CACNA1D: variants seen among roughly 807,000 people sequenced by gnomAD.
CACNA1D encodes voltage-dependent L-type calcium channel subunit alpha-1D.
A neutral mutation model predicts 257.1 loss-of-function variants in CACNA1D; 55 were observed. The observed-to-expected ratio is 0.21, with a 90% CI of 0.17 to 0.27. CACNA1D has a LOEUF of 0.27. CACNA1D is among the 10% of genes least tolerant of loss of function. CACNA1D has a pLI of 1.00. For synonymous variants in CACNA1D, 980 were observed against 1,014.9 expected (o/e 0.97, Z 0.65); for missense variants, 1,876 against 2,784.0 (o/e 0.67, Z 7.34).
At chr3:53,593,432 C>A (rs1352167912) in intron 3 of CACNA1D, among the ~76,000 whole-genome samples, 1 of 152,064 alleles carries the variant, frequency 6.6e-6, no homozygotes, top group Non-Finnish European at 1.5e-5. Context: ...TTAAATAACT[C>A]CCCCCAGCAC....
In CACNA1D at chr3:53,743,060, A is replaced by G; in HGVS notation, c.2861A>G (p.Tyr954Cys). 6.2e-7 allele frequency: 1 copy of G among 1,613,966 alleles called. No homozygotes were observed. Among genetic ancestry groups the G allele is most frequent in the East Asian group, 2.2e-5 (1 of 44,874 alleles). The stretch of plus-strand genomic sequence containing the variant: ...CACAAAGGGGCCTTCTGCAGGAACT[A>G]CTTCAATTTGCTGGATATGCTGGTG... ...FLHKGAFCRN[Y>C]FNLLDMLVVG... The change falls in exon 22 of 48, where the codon TAC becomes TGC. Residue 954 changes from tyrosine (Y) to cysteine (C), a missense_variant. Tyr to Cys is a radical substitution (Grantham distance 194). Coordinates refer to ENST00000350061, the MANE Select transcript of CACNA1D (RefSeq NM_001128840.3).
chr3:53,574,919 C>T (rs60793632), intron 3 of CACNA1D, among the ~76,000 whole-genome samples: 2,027 of 152,308 alleles, frequency 0.013, 44 homozygotes, highest in African/African-American at 0.046. Flanking sequence ...CTGCTCATCA[C>T]GTGAGTTGCC....
intron 39 of CACNA1D, among the ~76,000 whole-genome samples, chr3:53,784,026 G>A (rs1319785977): frequency 6.6e-6 from 1 of 152,208 alleles, no homozygotes; most frequent in Non-Finnish European, 1.5e-5. Context: ...GGGTGGCTTC[G>A]CTAGTGTGCT....
At chr3:53,754,723 C>G (rs967046095) in intron 29 of CACNA1D, among the ~76,000 whole-genome samples, 7 of 152,180 alleles carry the variant, frequency 4.6e-5, no homozygotes, top group African/African-American at 1.7e-4. Flanking sequence ...CAAAAACTCT[C>G]AGAGTTAGAG....
At chr3:53,752,258 C>T (rs1306921455) in intron 28 of CACNA1D, among the ~76,000 whole-genome samples, 1 of 152,112 alleles carries the variant, frequency 6.6e-6, no homozygotes, top group Non-Finnish European at 1.5e-5. Context: ...TGATTTTACT[C>T]TGAATTTTTT....
At chr3:53,757,388 C>A (rs185208814) in intron 29 of CACNA1D, among the ~76,000 whole-genome samples, 8 of 152,336 alleles carry the variant, frequency 5.3e-5, no homozygotes, top group Admixed American at 2.6e-4. Context: ...TGGTCCCCTT[C>A]TTGCCTGGTA....
At chr3:53,505,258 G>T (rs533039162) in intron 3 of CACNA1D, among the ~76,000 whole-genome samples, 3 of 151,616 alleles carry the variant, frequency 2.0e-5, no homozygotes, top group South Asian at 2.1e-4. Flanking sequence ...ACAGACGAGC[G>T]CCAACATGCC....
chr3:53,544,297 T>C (rs191073260), intron 3 of CACNA1D, among the ~76,000 whole-genome samples: 1 of 152,282 alleles, frequency 6.6e-6, no homozygotes, highest in Admixed American at 6.5e-5. Flanking sequence ...GCAGCACATA[T>C]AATTATAGAA....
intron 2 of CACNA1D, among the ~76,000 whole-genome samples, chr3:53,498,976 C>T (rs1575676063): frequency 6.6e-6 from 1 of 152,256 alleles, no homozygotes; most frequent in Non-Finnish European, 1.5e-5. Flanking sequence ...CAGCATGTGG[C>T]CCAGTGGCAT....
intron 3 of CACNA1D, among the ~76,000 whole-genome samples, chr3:53,511,254 C>A (rs892593057): frequency 3.9e-5 from 6 of 152,074 alleles, no homozygotes; most frequent in African/African-American, 1.4e-4. Context: ...GAAAGTGGGA[C>A]AATGGGGAAT....
intron 11 of CACNA1D, among the ~76,000 whole-genome samples, chr3:53,721,749 C>T (rs192906727): frequency 2.0e-5 from 3 of 152,212 alleles, no homozygotes; most frequent in Admixed American, 1.3e-4. Context: ...GCTTTGACAA[C>T]TCTGCCAGGC....
chr3:53,702,589 G>A, intron 8 of CACNA1D, 52 bp from the exon 9 acceptor site: 3 of 1,580,602 alleles, frequency 1.9e-6, no homozygotes, highest in Admixed American at 1.7e-5. Context: ...GGCTCAGGAT[G>A]CAGGTCCCCA....
intron 3 of CACNA1D, among the ~76,000 whole-genome samples, chr3:53,557,455 T>C (rs529288780): frequency 3.9e-5 from 6 of 151,970 alleles, no homozygotes; most frequent in African/African-American, 1.4e-4. Flanking sequence ...GATTGCGCCA[T>C]TGCACTCCAG....
chr3:53,630,118 A>T (rs767371462), intron 3 of CACNA1D, among the ~76,000 whole-genome samples: 55 of 152,208 alleles, frequency 3.6e-4, no homozygotes, highest in African/African-American at 9.2e-4. Context: ...GATTATTTTA[A>T]CGTGGAATAT....
intron 20 of CACNA1D, among the ~76,000 whole-genome samples, chr3:53,739,227 G>A (rs373381907): frequency 1.3e-5 from 2 of 152,226 alleles, no homozygotes; most frequent in South Asian, 2.1e-4. Context: ...TGGCCTATGC[G>A]TGTGTCCACT....
chr3:53,794,284 C>T (rs76032644), intron 40 of CACNA1D, among the ~76,000 whole-genome samples: 2 of 152,104 alleles, frequency 1.3e-5, no homozygotes, highest in Non-Finnish European at 2.9e-5. Context: ...ATGATCTGTG[C>T]GAAGGAGCTG....
chr3:53,792,784 G>A (rs2095490346), intron 40 of CACNA1D, among the ~76,000 whole-genome samples: 2 of 152,110 alleles, frequency 1.3e-5, no homozygotes. Context: ...TATGACATTT[G>A]CCCTTGGCTG....
In CACNA1D at chr3:53,596,432, G is replaced by GC. The variant is rs763905832; in HGVS notation, c.484-54339dup. On this transcript the variant is annotated intron_variant, in intron 3 of 47. Transcript: ENST00000350061. ...ACCGACTGTGTCATTTTGGAAAATG[G>GC]CCCCCCCCAAAAGATTTCCACATCC... Among the ~76,000 whole-genome samples the GC allele has an allele frequency of 1.9e-4, 29 of 151,638 alleles. 1 individual carries two copies. The highest frequency in any genetic ancestry group is 8.4e-4 in the South Asian group (4 of 4,758).
intron 37 of CACNA1D, among the ~76,000 whole-genome samples, chr3:53,778,817 C>G (rs999335185): frequency 6.6e-6 from 1 of 152,178 alleles, no homozygotes; most frequent in Admixed American, 6.5e-5. Flanking sequence ...AAGACCAAAG[C>G]CTGGGAGAAG....
Sources: gnomAD v4.1 joint callset for allele counts (sites outside exome capture counted in the v4.1 genomes callset) on GRCh38, gnomAD v4.1.1 for gene constraint, MANE v1.5 for transcripts, NCBI Gene and HGNC (gene_info 2026-07-23, HGNC 2026-07-21) for gene names.